AMOT: variants seen among roughly 807,000 people sequenced by gnomAD.
AMOT encodes the protein angiomotin.
AMOT carries 11 observed loss-of-function variants against 67.0 expected under a neutral mutation model. The observed-to-expected ratio is 0.16, with a 90% CI of 0.10 to 0.27. The LOEUF is 0.27. Ranked by LOEUF, AMOT falls within the 10% of genes least tolerant of loss-of-function variation. The pLI is 1.00. For missense variants in AMOT, 753 were observed against 852.0 expected (o/e 0.88, Z 1.45); for synonymous variants, 326 against 321.4 (o/e 1.01, Z -0.15).
rs758424944 is a variant in AMOT at position 112,822,460 on chromosome X, G to A, written c.667C>T (p.Pro223Ser). The change falls in exon 4 of 14, where the codon CCA becomes TCA. Residue 223 changes from proline to serine, a missense_variant. Around this residue, in one of 5 missense-constraint regions of AMOT, gnomAD observed 297 missense variants for 284.3 expected, o/e 1.04. Transcript: ENST00000371959. ...TTCAGGCTATGCTGGTTAGGAAGTG[G>A]CCCTTGGGCCTTGTAGAATTCACTG... The part of the protein sequence containing the change: ...SSSEFYKAQG[P>S]LPNQHSLKGM... 12 of 1,168,020 alleles carry A rather than the reference G, an allele frequency of 1.0e-5. No individual in the cohort carries two copies. Among genetic ancestry groups the A allele is most frequent in the Middle Eastern group, 4.6e-4 (2 of 4,308 alleles).
intron 8 of AMOT, among the ~76,000 whole-genome samples, chrX:112,794,273 G>A (rs1933718557): frequency 9.0e-6 from 1 of 111,619 alleles, no homozygotes; most frequent in South Asian, 3.8e-4. Context: ...CCAACTCTCT[G>A]GAAGGGAAAT....
chrX:112,826,006 TA>T (rs771537226), intron 2 of AMOT, among the ~76,000 whole-genome samples: 203 of 108,826 alleles, frequency 1.9e-3, no homozygotes, highest in Non-Finnish European at 3.1e-3. Context: ...AGTGTCTCAG[TA>T]AAAAAAACTC....
intron 4 of AMOT, among the ~76,000 whole-genome samples, chrX:112,818,063 T>G (rs1008946364): frequency 9.0e-6 from 1 of 111,498 alleles, no homozygotes; most frequent in Non-Finnish European, 1.9e-5. Flanking sequence ...AAGAGGGGCT[T>G]AAGTTTCATG....
chrX:112,781,311 G>T (rs373575758), intron 11 of AMOT, among the ~76,000 whole-genome samples, 193 bp from the exon 12 acceptor site: 1 of 110,104 alleles, frequency 9.1e-6, no homozygotes, highest in Non-Finnish European at 1.9e-5. Context: ...GTGGTGGCAG[G>T]CGCCTATAGT....
intron 7 of AMOT, among the ~76,000 whole-genome samples, chrX:112,809,034 T>C (rs1422759638): frequency 9.0e-6 from 1 of 111,520 alleles, no homozygotes; most frequent in Non-Finnish European, 1.9e-5. Context: ...GAAAGGGTCA[T>C]TTGGAGACCT....
intron 5 of AMOT, among the ~76,000 whole-genome samples, chrX:112,812,325 C>T (rs765270689): frequency 2.9e-4 from 32 of 111,639 alleles, no homozygotes; most frequent in East Asian, 8.5e-4. Flanking sequence ...GGGAACCTGG[C>T]GAGATATGGC....
chrX:112,808,888 G>A (rs1008870483), intron 7 of AMOT, among the ~76,000 whole-genome samples: 2 of 111,695 alleles, frequency 1.8e-5, no homozygotes, highest in African/African-American at 3.3e-5. Context: ...AGGAACAGGA[G>A]GTACAGGGAA....
chrX:112,798,508 G>A (rs1352400220), intron 8 of AMOT, among the ~76,000 whole-genome samples: 2 of 112,179 alleles, frequency 1.8e-5, no homozygotes, highest in Admixed American at 9.5e-5. Flanking sequence ...GGCCACTTAA[G>A]GGTAGAGCCC....
chrX:112,786,375 T>G (rs1355975323), intron 10 of AMOT, among the ~76,000 whole-genome samples: 1 of 112,225 alleles, frequency 8.9e-6, no homozygotes, highest in Admixed American at 9.4e-5. Context: ...CATAGTTGAC[T>G]GGGTGGGTTA....
chrX:112,818,966 G>A (rs1316769122), intron 4 of AMOT, among the ~76,000 whole-genome samples: 2 of 110,517 alleles, frequency 1.8e-5, no homozygotes, highest in African/African-American at 6.6e-5. Flanking sequence ...AAGGCTACCT[G>A]GGCCACTGGG....
intron 1 of AMOT, among the ~76,000 whole-genome samples, chrX:112,839,724 C>T (rs1011124260): frequency 9.0e-6 from 1 of 111,164 alleles, no homozygotes; most frequent in Non-Finnish European, 1.9e-5. Context: ...TATTTTCCCT[C>T]CCCCTTTTCT....
chrX:112,817,095 T>C (rs914045071), intron 4 of AMOT, among the ~76,000 whole-genome samples: 4 of 111,702 alleles, frequency 3.6e-5, no homozygotes, highest in Non-Finnish European at 7.5e-5. Context: ...TGTTCTACAG[T>C]TGATATTTCT....
At chrX:112,797,850 G>A (rs777726304) in intron 8 of AMOT, among the ~76,000 whole-genome samples, 71 of 105,112 alleles carry the variant, frequency 6.8e-4, no homozygotes, top group Non-Finnish European at 1.2e-3. Flanking sequence ...AGAAGAGGAA[G>A]AAGAGAAAAA....
chrX:112,823,561 T>C (rs1194300290), intron 3 of AMOT, among the ~76,000 whole-genome samples: 2 of 111,490 alleles, frequency 1.8e-5, no homozygotes, highest in Admixed American at 9.5e-5. Context: ...CCAAATCTTA[T>C]GGCTGTGGAG....
rs767996536 is a variant in AMOT, at chrX:112,815,530, T to A, written c.1220A>T (p.Tyr407Phe). 8 of 1,209,717 alleles carry A rather than the reference T, an allele frequency of 6.6e-6. No homozygotes were observed. The highest frequency in any genetic ancestry group is 7.8e-6 in the Non-Finnish European group (7 of 895,198). Reference protein sequence around the residue: ...QQPQQQPGEAYSAMPRAQPSS... With the variant: ...QQPQQQPGEAFSAMPRAQPSS... Reference sequence around the variant, plus strand: ...TGGCTGAGCCCGAGGCATAGCTGAATAGGCTTCTCCTGGCTGCTGCTGTGG... The same window carrying A: ...TGGCTGAGCCCGAGGCATAGCTGAAAAGGCTTCTCCTGGCTGCTGCTGTGG... Residue 407 changes from tyrosine to phenylalanine, a missense_variant, in exon 5 of 14, where the codon TAT becomes TTT. Coordinates refer to ENST00000371959, the MANE Select transcript of AMOT (RefSeq NM_001113490.2).
rs189885044 is a variant in AMOT at position 112,822,330 on chromosome X, T to A, written c.797A>T (p.His266Leu). Residue 266 changes from histidine (H) to leucine (L), a missense_variant, in exon 4 of 14, where the codon CAT becomes CTT. Physicochemically the swap from His to Leu is moderately conservative, Grantham distance 99. Around this residue, in one of 5 missense-constraint regions of AMOT, gnomAD observed 297 missense variants for 284.3 expected, o/e 1.04. Coordinates refer to ENST00000371959, the MANE Select transcript of AMOT (RefSeq NM_001113490.2). ...TGTTCTCCCTGGCTGGTTCAGGCGA[T>A]GCTCACTATAGAAGTGCCCTGGCTC... ...PQEPGHFYSE[H>L]RLNQPGRTEG... 16 of 1,139,544 alleles carry A rather than the reference T, an allele frequency of 1.4e-5. No individual in the cohort carries two copies. In the East Asian group the frequency reaches 3.9e-4, roughly 28 times the overall value. 93.9% of individuals were successfully genotyped at this position (1,139,544 alleles called of 1,213,427 possible).
chrX:112,805,220 T>C, intron 7 of AMOT, 128 bp from the exon 8 acceptor site: 5 of 790,140 alleles, frequency 6.3e-6, no homozygotes, highest in East Asian at 6.5e-5. Context: ...AGAACCAGTA[T>C]ACCCAAGATC....
chrX:112,813,545 C>A (rs1934437777), intron 5 of AMOT, among the ~76,000 whole-genome samples: 1 of 111,792 alleles, frequency 8.9e-6, no homozygotes, highest in Non-Finnish European at 1.9e-5. Context: ...TCCAGTTACA[C>A]TTATTTGAGG....
chrX:112,789,814 A>T (rs2032816995), intron 10 of AMOT, among the ~76,000 whole-genome samples: 1 of 109,681 alleles, frequency 9.1e-6, no homozygotes, highest in South Asian at 4.2e-4. Context: ...CCACAACCCA[A>T]GTCATCACCT....
Sources: gnomAD v4.1 joint callset for allele counts (sites outside exome capture counted in the v4.1 genomes callset) on GRCh38, gnomAD v4.1.1 for gene constraint, gnomAD v4.1.1 regional missense constraint, MANE v1.5 for transcripts, NCBI Gene and HGNC (gene_info 2026-07-23, HGNC 2026-07-21) for gene names.